The following ANO4 variants were observed in gnomAD, a reference collection of about 807,000 sequenced individuals.
ANO4 encodes the protein anoctamin-4.
ANO4 carries 69 observed loss-of-function variants against 141.9 expected under a neutral mutation model. The observed-to-expected ratio is 0.49, with a 90% CI of 0.40 to 0.59. The LOEUF (loss-of-function observed/expected upper bound fraction) is 0.59, where lower values mean the gene tolerates loss of function less well. ANO4 is among the 20% of genes least tolerant of loss of function. The probability of loss-of-function intolerance (pLI) is 0.00; values close to 1 mark genes in which losing one functional copy is unlikely to be tolerated. For missense variants in ANO4, 894 were observed against 1,162.2 expected (o/e 0.77, Z 3.36); for synonymous variants, 350 against 394.3 (o/e 0.89, Z 1.33).
chr12:101,035,301 T>C (rs2047151430), intron 9 of ANO4, among the ~76,000 whole-genome samples: 1 of 152,166 alleles, frequency 6.6e-6, no homozygotes, highest in Non-Finnish European at 1.5e-5. Flanking sequence ...TATGATTCCA[T>C]TTATATAAAA....
chr12:100,735,700 C>A (rs1323766942), intron 2 of ANO4, among the ~76,000 whole-genome samples: 1 of 151,994 alleles, frequency 6.6e-6, no homozygotes, highest in Non-Finnish European at 1.5e-5. Context: ...GTAAGTGTTC[C>A]CTGAGATTTT....
intron 21 of ANO4, among the ~76,000 whole-genome samples, chr12:101,098,896 G>C (rs1300655760): frequency 6.6e-6 from 1 of 152,048 alleles, no homozygotes; most frequent in East Asian, 1.9e-4. Context: ...TTCTACTCCT[G>C]GATATCCTTC....
intron 1 of ANO4, among the ~76,000 whole-genome samples, chr12:100,801,093 GTCTCTCTCTCTCTCTC>G (rs35462149): frequency 6.8e-6 from 1 of 147,162 alleles, no homozygotes; most frequent in Non-Finnish European, 1.5e-5. Flanking sequence ...TTGTCTACTT[GTCTCTCTCTCTCTCTC>G]TCTCTCTCTC....
chr12:100,878,170 C>T (rs983506443), intron 1 of ANO4, among the ~76,000 whole-genome samples: 2 of 152,180 alleles, frequency 1.3e-5, no homozygotes, highest in African/African-American at 4.8e-5. Context: ...CACCATCTCT[C>T]CTGCCTGCTG....
chr12:100,918,519 A>G (rs1428465800), intron 2 of ANO4, among the ~76,000 whole-genome samples: 2 of 152,140 alleles, frequency 1.3e-5, no homozygotes, highest in Non-Finnish European at 2.9e-5. Flanking sequence ...TGACTTTTTC[A>G]TCAGTGATGG....
At chr12:100,857,374 A>C (rs12366315) in intron 1 of ANO4, among the ~76,000 whole-genome samples, 7,244 of 152,230 alleles carry the variant, frequency 0.048, 236 homozygotes, top group Middle Eastern at 0.095. Context: ...TAATAATAGC[A>C]ACTGATATTT....
chr12:101,030,673 CA>C (rs2046937941), intron 9 of ANO4, among the ~76,000 whole-genome samples: 1 of 151,298 alleles, frequency 6.6e-6, no homozygotes, highest in Non-Finnish European at 1.5e-5. Context: ...CCTCCAAAAC[CA>C]GGAACTGTTT....
At position 101,019,943 on chromosome 12, in the gene ANO4, A is replaced by C. The variant is rs997192757; in HGVS notation, c.735-91A>C. 7.2e-6 allele frequency: 7 copies of C among 965,660 alleles called. No homozygotes were observed. In the African/African-American group the frequency reaches 9.8e-5, roughly 14 times the overall value. 59.8% of individuals were successfully genotyped at this position (965,660 alleles called of 1,614,324 possible). ...ACCCTGTCTATGACTGACTGAAGAC[A>C]TCTGCATCTGAGCAACACCAAATTA... On this transcript the variant is annotated intron_variant, in intron 8 of 27. Transcript: ENST00000392977.
intron 17 of ANO4, among the ~76,000 whole-genome samples, chr12:101,087,193 G>C (rs1003190601): frequency 6.6e-6 from 1 of 152,000 alleles, no homozygotes; most frequent in South Asian, 2.1e-4. Context: ...GTTTCTTTTT[G>C]ATTATCAATG....
At chr12:101,095,336 G>A (rs764266404) in intron 18 of ANO4, among the ~76,000 whole-genome samples, 1 of 152,180 alleles carries the variant, frequency 6.6e-6, no homozygotes. Context: ...CCCATTGGTA[G>A]ACAATGTACC....
At chr12:101,059,440 C>T (rs1250714398) in intron 14 of ANO4, among the ~76,000 whole-genome samples, 1 of 152,140 alleles carries the variant, frequency 6.6e-6, no homozygotes, top group Non-Finnish European at 1.5e-5. Flanking sequence ...GGAATGGTAC[C>T]ATCTCCTCTT....
At chr12:100,963,140 C>G (rs181100665) in intron 5 of ANO4, among the ~76,000 whole-genome samples, 36 of 152,246 alleles carry the variant, frequency 2.4e-4, no homozygotes, top group African/African-American at 8.2e-4. Flanking sequence ...CAGTGAGACA[C>G]CAGGTACCAG....
chr12:100,839,675 A>G (rs1268361900), intron 1 of ANO4, among the ~76,000 whole-genome samples: 1 of 152,132 alleles, frequency 6.6e-6, no homozygotes, highest in Admixed American at 6.6e-5. Flanking sequence ...AGTTAAGAGA[A>G]GTGAACATTT....
rs60228128 is a variant in ANO4 at position 101,099,150 on chromosome 12, G to A, written c.2007-428G>A. Among the ~76,000 whole-genome samples the A allele has an allele frequency of 6.7e-3, 1,026 of 152,236 alleles. 9 individuals carry two copies. The highest frequency in any genetic ancestry group is 0.023 in the African/African-American group (974 of 41,552). On this transcript the variant is annotated intron_variant, in intron 21 of 27. Coordinates refer to ENST00000392977, the MANE Select transcript of ANO4 (RefSeq NM_001286615.2). Reference sequence around the variant, plus strand: ...AAGAGAGGAAGCATTTTGTGGGTTTGCAGATCTTTAGGCCCCTGATGTCAG... The same window carrying A: ...AAGAGAGGAAGCATTTTGTGGGTTTACAGATCTTTAGGCCCCTGATGTCAG...
intron 23 of ANO4, 55 bp downstream of exon 23, chr12:101,110,611 A>C: frequency 7.2e-7 from 1 of 1,395,342 alleles, no homozygotes; most frequent in Non-Finnish European, 9.4e-7. Context: ...TGGTGGATAA[A>C]ATTTTAAAAG....
chr12:100,837,654 A>G (rs1291271663), intron 1 of ANO4, among the ~76,000 whole-genome samples: 1 of 150,286 alleles, frequency 6.7e-6, no homozygotes, highest in African/African-American at 2.5e-5. Flanking sequence ...TGGGAGTTCA[A>G]GATTTCAGTG....
At chr12:100,999,812 A>G (rs1306256062) in intron 8 of ANO4, among the ~76,000 whole-genome samples, 2 of 151,938 alleles carry the variant, frequency 1.3e-5, no homozygotes, top group African/African-American at 2.4e-5. Flanking sequence ...TGGGAGGCCA[A>G]TGCAGGCAGA....
intron 3 of ANO4, among the ~76,000 whole-genome samples, chr12:100,758,982 G>A (rs2032738249): frequency 6.6e-6 from 1 of 152,000 alleles, no homozygotes; most frequent in Non-Finnish European, 1.5e-5. Flanking sequence ...CAGGATGCTC[G>A]AGATCCTTAA....
At chr12:100,757,225 C>G (rs1179463459) in intron 3 of ANO4, among the ~76,000 whole-genome samples, 7 of 152,212 alleles carry the variant, frequency 4.6e-5, no homozygotes, top group African/African-American at 1.7e-4. Context: ...CTCCTTCTAT[C>G]CCCAATCTCC....
Sources: gnomAD v4.1 joint callset for allele counts (sites outside exome capture counted in the v4.1 genomes callset) on GRCh38, gnomAD v4.1.1 for gene constraint, MANE v1.5 for transcripts, NCBI Gene and HGNC (gene_info 2026-07-23, HGNC 2026-07-21) for gene names.